The following NEBL variants were observed in gnomAD, a reference collection of about 807,000 sequenced individuals.
The protein encoded by NEBL is LIM and SH3 protein 2.
NEBL carries 122 observed loss-of-function variants against 140.2 expected under a neutral mutation model. The ratio of observed to expected loss-of-function variants is 0.87; its 90% CI spans 0.75 to 1.01. The LOEUF is 1.01. Ranked by LOEUF, NEBL falls within the 50% of genes least tolerant of loss-of-function variation. The pLI, the probability that NEBL is intolerant of heterozygous loss-of-function variation, is 0.00. For synonymous variants in NEBL, 436 were observed against 398.9 expected (o/e 1.09, Z -1.11); for missense variants, 1,365 against 1,231.3 (o/e 1.11, Z -1.62).
chr10:21,233,732 CAT>C (rs1842300034), intron 3 of NEBL, among the ~76,000 whole-genome samples: 1 of 139,436 alleles, frequency 7.2e-6, no homozygotes, highest in South Asian at 2.2e-4. Context: ...ATATATATTA[CAT>C]ATATAGATAT....
At chr10:21,103,757 A>T (rs1021956094) in intron 2 of NEBL, among the ~76,000 whole-genome samples, 2 of 152,036 alleles carry the variant, frequency 1.3e-5, no homozygotes, top group Non-Finnish European at 2.9e-5. Context: ...ACATGCGATT[A>T]TTAGTATCTT....
At chr10:21,038,843 T>A (rs1366698050) in intron 2 of NEBL, among the ~76,000 whole-genome samples, 2 of 152,150 alleles carry the variant, frequency 1.3e-5, no homozygotes, top group Non-Finnish European at 2.9e-5. Flanking sequence ...GTAAAAGCAT[T>A]CCTATTTCTC....
chr10:21,120,567 C>T (rs1320669208), intron 2 of NEBL, among the ~76,000 whole-genome samples: 3 of 148,492 alleles, frequency 2.0e-5, no homozygotes, highest in Non-Finnish European at 4.4e-5. Flanking sequence ...GCTGGCCATT[C>T]TTACCTAGGT....
chr10:21,013,082 G>T (rs888844603), intron 3 of NEBL, among the ~76,000 whole-genome samples: 1 of 152,178 alleles, frequency 6.6e-6, no homozygotes, highest in Non-Finnish European at 1.5e-5. Flanking sequence ...GTACAATGGG[G>T]GCGTGGGGGC....
At chr10:20,869,997 A>G (rs1301523033) in intron 5 of NEBL, among the ~76,000 whole-genome samples, 156 bp from the exon 6 acceptor site, 1 of 152,232 alleles carries the variant, frequency 6.6e-6, no homozygotes. Flanking sequence ...GTATAGCTAT[A>G]TTAACTCTTT....
intron 2 of NEBL, among the ~76,000 whole-genome samples, chr10:21,039,407 G>A (rs1165805346): frequency 1.3e-5 from 2 of 152,116 alleles, no homozygotes; most frequent in African/African-American, 4.8e-5. Context: ...TTTGTATAAG[G>A]TGTAAGGACG....
intron 2 of NEBL, among the ~76,000 whole-genome samples, chr10:21,058,302 C>T (rs185807185): frequency 6.6e-6 from 1 of 152,312 alleles, no homozygotes; most frequent in Admixed American, 6.5e-5. Context: ...ATAATCCATT[C>T]TTGCTCTTTT....
chr10:20,828,176 C>T (rs1840072458), intron 17 of NEBL, among the ~76,000 whole-genome samples: 1 of 152,028 alleles, frequency 6.6e-6, no homozygotes, highest in South Asian at 2.1e-4. Flanking sequence ...GACATATTAT[C>T]AGTAAAAACA....
chr10:20,826,645 T>C, intron 17 of NEBL, 106 bp from the exon 18 acceptor site: 1 of 817,606 alleles, frequency 1.2e-6, no homozygotes, highest in Non-Finnish European at 2.0e-6. Flanking sequence ...ATATGAATAC[T>C]GCATCTATTT....
upstream of NEBL, among the ~76,000 whole-genome samples, chr10:21,177,428 C>T (rs1356653894): frequency 1.3e-5 from 2 of 152,180 alleles, no homozygotes; most frequent in African/African-American, 4.8e-5. Context: ...AGCAAAAGCT[C>T]ACTAGTATGT....
intron 2 of NEBL, among the ~76,000 whole-genome samples, chr10:21,138,208 C>G (rs992205938): frequency 1.3e-5 from 2 of 152,154 alleles, no homozygotes; most frequent in Non-Finnish European, 2.9e-5. Context: ...ACTGTCCCAA[C>G]TCACCGTAAA....
intron 4 of NEBL, among the ~76,000 whole-genome samples, chr10:20,906,048 G>C (rs971971778): frequency 6.6e-6 from 1 of 151,986 alleles, no homozygotes. Context: ...TTGTGTATGT[G>C]GACTTTATGA....
intron 4 of NEBL, among the ~76,000 whole-genome samples, chr10:20,883,188 C>T (rs1369575198): frequency 6.6e-6 from 1 of 152,204 alleles, no homozygotes. Flanking sequence ...ATTATTAACA[C>T]ATCCACGGAC....
intron 4 of NEBL, among the ~76,000 whole-genome samples, chr10:20,933,779 C>T (rs1284411140): frequency 6.6e-6 from 1 of 152,054 alleles, no homozygotes; most frequent in Non-Finnish European, 1.5e-5. Flanking sequence ...TACAATAAAG[C>T]CTCACGGTTT....
At chr10:21,122,166 C>T (rs1276403726) in intron 2 of NEBL, among the ~76,000 whole-genome samples, 2 of 152,126 alleles carry the variant, frequency 1.3e-5, no homozygotes, top group East Asian at 3.9e-4. Flanking sequence ...GCTGGGATTA[C>T]AGGCACCTAC....
At chr10:21,188,977 A>G (rs1172992425) in intron 3 of NEBL, among the ~76,000 whole-genome samples, 1 of 152,182 alleles carries the variant, frequency 6.6e-6, no homozygotes, top group Non-Finnish European at 1.5e-5. Context: ...CACCTACAAT[A>G]TATATAAGAT....
chr10:20,993,754 T>A (rs1173500528), intron 3 of NEBL, among the ~76,000 whole-genome samples: 1 of 152,114 alleles, frequency 6.6e-6, no homozygotes, highest in Non-Finnish European at 1.5e-5. Context: ...CAGAGTCACA[T>A]GGCAAAGATG....
intron 3 of NEBL, among the ~76,000 whole-genome samples, chr10:21,239,848 C>T (rs529347758): frequency 6.6e-6 from 1 of 152,162 alleles, no homozygotes; most frequent in Admixed American, 6.5e-5. Context: ...AACCCCATCT[C>T]TACTAAAAAT....
At chr10:21,101,068 C>T (rs191412982) in intron 2 of NEBL, among the ~76,000 whole-genome samples, 1 of 152,186 alleles carries the variant, frequency 6.6e-6, no homozygotes, top group East Asian at 1.9e-4. Flanking sequence ...CATTCACAGG[C>T]CTGAAGCAGA....
Sources: allele counts gnomAD v4.1 joint callset (sites outside exome capture counted in the v4.1 genomes callset), GRCh38; gene constraint gnomAD v4.1.1; transcripts MANE v1.5; gene names NCBI Gene and HGNC (gene_info 2026-07-23, HGNC 2026-07-21).